RPS6KC1: variants seen among roughly 807,000 people sequenced by gnomAD.
The protein encoded by RPS6KC1 is ribosomal protein S6 kinase C1, also known as inactive ribosomal protein S6 kinase delta-1.
Under a neutral mutation model 103.8 loss-of-function variants are expected in RPS6KC1, and 54 were observed. That is an observed-to-expected ratio of 0.52 (90% CI 0.42 to 0.65). RPS6KC1 has a LOEUF of 0.65. Among genes scored for constraint, RPS6KC1 ranks in the 30% least tolerant of loss-of-function variants. The pLI is 0.00. For synonymous variants in RPS6KC1, 439 were observed against 438.7 expected (o/e 1.00, Z -0.01); for missense variants, 1,151 against 1,253.8 (o/e 0.92, Z 1.24).
the RPS6KC1 span, among the ~76,000 whole-genome samples, chr1:213,713,831 A>G: frequency 6.6e-6 from 1 of 152,236 alleles, no homozygotes; most frequent in Non-Finnish European, 1.5e-5. Context: ...ATTGCAAATT[A>G]CAGACATATT....
the RPS6KC1 span, among the ~76,000 whole-genome samples, chr1:213,635,295 C>G: frequency 1.3e-3 from 194 of 152,264 alleles, no homozygotes; most frequent in Non-Finnish European, 2.2e-3. Context: ...ATCCTGTCAC[C>G]AAAGCCTGGC....
chr1:213,484,967 A>T, the RPS6KC1 span, among the ~76,000 whole-genome samples: 2 of 152,258 alleles, frequency 1.3e-5, no homozygotes, highest in East Asian at 3.9e-4. Flanking sequence ...GGCTTAAGTC[A>T]TCTTCCTATT....
At chr1:213,085,331 AATC>A (rs1227856994) in intron 3 of RPS6KC1, among the ~76,000 whole-genome samples, 4 of 152,142 alleles carry the variant, frequency 2.6e-5, no homozygotes, top group African/African-American at 9.7e-5. Context: ...CCATCCAGAT[AATC>A]CAGGATAATA....
the RPS6KC1 span, among the ~76,000 whole-genome samples, chr1:213,309,005 G>A: frequency 6.6e-6 from 1 of 152,126 alleles, no homozygotes. Context: ...AAAAACTGAA[G>A]AAGAGGCCGG....
At chr1:213,622,046 C>T in the RPS6KC1 span, among the ~76,000 whole-genome samples, 1 of 152,132 alleles carries the variant, frequency 6.6e-6, no homozygotes, top group Non-Finnish European at 1.5e-5. Flanking sequence ...ACTCTCTCAC[C>T]TCCTCATCTC....
At chr1:213,249,775 A>C (rs893635955) in intron 12 of RPS6KC1, among the ~76,000 whole-genome samples, 3 of 152,196 alleles carry the variant, frequency 2.0e-5, no homozygotes, top group African/African-American at 7.2e-5. Flanking sequence ...GGTCAACCAG[A>C]AGTCATGTGG....
the RPS6KC1 span, among the ~76,000 whole-genome samples, chr1:213,827,782 G>A: frequency 2.6e-5 from 4 of 152,052 alleles, no homozygotes; most frequent in African/African-American, 7.2e-5. Flanking sequence ...TAGACTAGTC[G>A]GATGAGACAC....
chr1:213,699,032 A>G, the RPS6KC1 span, among the ~76,000 whole-genome samples: 3 of 152,072 alleles, frequency 2.0e-5, no homozygotes, highest in Admixed American at 2.0e-4. Flanking sequence ...ACCCTTAACC[A>G]TTTATCCTTT....
chr1:213,436,354 A>C, the RPS6KC1 span, among the ~76,000 whole-genome samples: 1 of 152,244 alleles, frequency 6.6e-6, no homozygotes, highest in Non-Finnish European at 1.5e-5. Context: ...TAGAAAGTTT[A>C]AGTGGAAAAC....
chr1:213,267,353 ACTTAGCAG>A (rs2094935738), intron 14 of RPS6KC1, among the ~76,000 whole-genome samples: 1 of 151,982 alleles, frequency 6.6e-6, no homozygotes, highest in Admixed American at 6.6e-5. Flanking sequence ...TGGGAAGGGG[ACTTAGCAG>A]CTTTACAGAT....
the RPS6KC1 span, among the ~76,000 whole-genome samples, chr1:213,329,859 C>T: frequency 1.9e-4 from 29 of 152,200 alleles, no homozygotes; most frequent in East Asian, 5.8e-4. Context: ...GTCACACAGG[C>T]GACAAAATCT....
chr1:213,287,067 A>T, the RPS6KC1 span, among the ~76,000 whole-genome samples: 1 of 152,260 alleles, frequency 6.6e-6, no homozygotes, highest in African/African-American at 2.4e-5. Flanking sequence ...AGTATTTTTA[A>T]GAAGTGAAAG....
At chr1:213,140,478 A>G (rs2086884079) in intron 6 of RPS6KC1, among the ~76,000 whole-genome samples, 1 of 152,044 alleles carries the variant, frequency 6.6e-6, no homozygotes, top group Admixed American at 6.6e-5. Flanking sequence ...TGGGTTTGTC[A>G]TGGATGACTC....
chr1:213,185,419 G>A (rs1416420107), intron 8 of RPS6KC1, among the ~76,000 whole-genome samples: 1 of 152,116 alleles, frequency 6.6e-6, no homozygotes, highest in African/African-American at 2.4e-5. Context: ...GCCAAGGTGG[G>A]CAGGATCACC....
the RPS6KC1 span, among the ~76,000 whole-genome samples, chr1:213,609,785 CA>C: frequency 1.5e-5 from 2 of 135,864 alleles, no homozygotes; most frequent in Admixed American, 1.4e-4. Context: ...CTTTCAATGG[CA>C]AAACCCGCCA....
chr1:213,383,069 C>G, the RPS6KC1 span, among the ~76,000 whole-genome samples: 1 of 152,212 alleles, frequency 6.6e-6, no homozygotes, highest in African/African-American at 2.4e-5. Context: ...GAAGTCTCCT[C>G]CTTCTTGCCC....
intron 8 of RPS6KC1, among the ~76,000 whole-genome samples, chr1:213,186,994 A>T (rs535296949): frequency 6.6e-6 from 1 of 151,906 alleles, no homozygotes; most frequent in Admixed American, 6.6e-5. Flanking sequence ...TTCATCCTCT[A>T]TTGCCTAGGA....
chr1:213,613,408 C>G, the RPS6KC1 span, among the ~76,000 whole-genome samples: 1 of 152,200 alleles, frequency 6.6e-6, no homozygotes, highest in Non-Finnish European at 1.5e-5. Context: ...TTTCCTGGAG[C>G]AGTGTGCAAG....
the RPS6KC1 span, among the ~76,000 whole-genome samples, chr1:213,395,289 A>G: frequency 6.6e-6 from 1 of 152,120 alleles, no homozygotes; most frequent in Admixed American, 6.5e-5. Context: ...GAAAGATTAG[A>G]TGTGATCATG....
Sources: allele counts gnomAD v4.1 joint callset (sites outside exome capture counted in the v4.1 genomes callset), GRCh38; gene constraint gnomAD v4.1.1; transcripts MANE v1.5; gene names NCBI Gene and HGNC (gene_info 2026-07-23, HGNC 2026-07-21).